ATP1A1: variants seen among roughly 807,000 people sequenced by gnomAD.
ATP1A1 encodes sodium/potassium-transporting ATPase subunit alpha-1.
ATP1A1 carries 14 observed loss-of-function variants against 114.8 expected under a neutral mutation model. The observed-to-expected ratio is 0.12, with a 90% CI of 0.08 to 0.19. ATP1A1 has a LOEUF of 0.19. ATP1A1 is among the 10% of genes least tolerant of loss of function. ATP1A1 has a pLI of 1.00. For synonymous variants in ATP1A1, 471 were observed against 466.3 expected (o/e 1.01, Z -0.13); for missense variants, 524 against 1,290.7 (o/e 0.41, Z 9.10).
chr1:116,383,486 T>C, intron 1 of ATP1A1: 1 of 488,196 alleles, frequency 2.0e-6, no homozygotes, highest in Non-Finnish European at 2.7e-6. Context: ...CACTATTCTT[T>C]ATCTCCACGC....
rs1651999893 is a variant in ATP1A1, at chr1:116,385,115, C to T, written c.183+273C>T. ...GAACACCAGGACTTGCAGTTGGCTT[C>T]AAAGCCATGCTTATGCCTTGACCTT... On this transcript the variant is annotated intron_variant, in intron 3 of 22. Transcript: ENST00000295598. This position sits in a 1 kb window ranked among gnomAD's most constrained non-coding sequence, Gnocchi z 4.3. 2.5e-6 allele frequency: 1 copy of T among 404,604 alleles called. No individual in the cohort carries two copies. Among genetic ancestry groups the T allele is most frequent in the Non-Finnish European group, 4.4e-6 (1 of 225,912 alleles). 25.1% of individuals were successfully genotyped at this position (404,604 alleles called of 1,614,324 possible).
At chr1:116,374,056 G>T (rs1232545838) in intron 1 of ATP1A1, 3 of 1,402,202 alleles carry the variant, frequency 2.1e-6, no homozygotes, top group Non-Finnish European at 2.8e-6. Context: ...CCGCGGCCCC[G>T]GTTCCGGCGG....
intron 1 of ATP1A1, among the ~76,000 whole-genome samples, chr1:116,378,016 A>G (rs1280098283): frequency 6.6e-6 from 1 of 152,222 alleles, no homozygotes. Flanking sequence ...AATTGAGTGT[A>G]TGAGAGGAAG....
Position 116,388,858 on chromosome 1 carries a change from C to G in ATP1A1, c.637-44C>G. 2 of 1,612,920 alleles carry G rather than the reference C, an allele frequency of 1.2e-6. No homozygotes were observed. Among genetic ancestry groups the G allele is most frequent in the Non-Finnish European group, 1.7e-6 (2 of 1,179,184 alleles). ...AGGGGTACAGTAGCCCATGATAAGG[C>G]TGGTGTATTCACATGACATTTTTCT... is the stretch of plus-strand genomic sequence containing the variant. On this transcript the variant is annotated intron_variant, in intron 6 of 22. Coordinates refer to ENST00000295598, the MANE Select transcript of ATP1A1 (RefSeq NM_000701.8). The surrounding 1 kb of genome is among the most constrained non-coding windows in gnomAD (Gnocchi z 5.6).
chr1:116,381,386 C>G lies in ATP1A1; in HGVS notation c.13-2628C>G, dbSNP rs900444383. Among the ~76,000 whole-genome samples the G allele has an allele frequency of 6.6e-6, 1 of 152,152 alleles. No individual in the cohort carries two copies. The highest frequency in any genetic ancestry group is 1.5e-5 in the Non-Finnish European group (1 of 68,028). ...GGGATTTAAGGATATTTGGTTCCCACAAGAATAAGCTAATATTAAGTTATT... is the reference window on the plus strand; with the variant it reads ...GGGATTTAAGGATATTTGGTTCCCAGAAGAATAAGCTAATATTAAGTTATT... On this transcript the variant is annotated intron_variant, in intron 1 of 22. Coordinates refer to ENST00000295598, the MANE Select transcript of ATP1A1 (RefSeq NM_000701.8). The surrounding 1 kb of genome is among the most constrained non-coding windows in gnomAD (Gnocchi z 5.1).
chr1:116,374,346 T>C (rs1388229967), intron 1 of ATP1A1: 8 of 1,522,096 alleles, frequency 5.3e-6, no homozygotes, highest in Non-Finnish European at 7.1e-6. Context: ...CAGATTTTTT[T>C]TGAAGGGACG....
At position 116,373,510 on chromosome 1, in the gene ATP1A1, C is replaced by T; in HGVS notation, c.-2C>T. 1 of 1,500,126 alleles carries T rather than the reference C, an allele frequency of 6.7e-7. No individual in the cohort carries two copies. Among genetic ancestry groups the T allele is most frequent in the South Asian group, 1.3e-5 (1 of 77,890 alleles). 92.9% of individuals were successfully genotyped at this position (1,500,126 alleles called of 1,614,324 possible). A position where few individuals can be genotyped will look rare whatever the true frequency, so the allele number is the denominator to read the frequency against. On this transcript the variant is annotated 5_prime_UTR_variant, in exon 1 of 23. Transcript: ENST00000295598. ...CGGCGCCGGGCACTGAGCACCGCCACCATGGGGAAGGGGGTGAGTGTCCGG... is the reference window on the plus strand; with the variant it reads ...CGGCGCCGGGCACTGAGCACCGCCATCATGGGGAAGGGGGTGAGTGTCCGG...
chr1:116,383,430 A>G (rs1409445478), intron 1 of ATP1A1: 2 of 863,808 alleles, frequency 2.3e-6, no homozygotes, highest in Admixed American at 1.2e-4. Context: ...ACTAGCATTT[A>G]GATGTATTGT....
In ATP1A1 at chr1:116,387,632, T is replaced by TTCAAGG; in HGVS notation, c.387+142_387+147dup. The stretch of plus-strand genomic sequence containing the variant: ...TTAATGGTTATGAACAGCTGTTGCC[T>TTCAAGG]TCAAGGCTCATCCATTCTTCCTTCG... On this transcript the variant is annotated intron_variant, in intron 4 of 22. Coordinates refer to ENST00000295598, the MANE Select transcript of ATP1A1 (RefSeq NM_000701.8). This position sits in a 1 kb window ranked among gnomAD's most constrained non-coding sequence, Gnocchi z 6.7. 1.0e-6 allele frequency: 1 copy of TTCAAGG among 954,398 alleles called. No individual in the cohort carries two copies. The highest frequency in any genetic ancestry group is 1.5e-6 in the Non-Finnish European group (1 of 652,824). 59.1% of individuals were successfully genotyped at this position (954,398 alleles called of 1,614,324 possible).
At chr1:116,390,693 A>G (rs1468197155) in intron 9 of ATP1A1, 89 bp from the exon 10 acceptor site, 3 of 1,120,020 alleles carry the variant, frequency 2.7e-6, no homozygotes, top group Non-Finnish European at 4.0e-6. Context: ...ATCACTGCAG[A>G]TTTCTATGGG....
rs1651714824 is a variant in ATP1A1 at position 116,381,101 on chromosome 1, G to A, written c.13-2913G>A. Among the ~76,000 whole-genome samples the A allele has an allele frequency of 6.6e-6, 1 of 152,172 alleles. No individual in the cohort carries two copies. Among genetic ancestry groups the A allele is most frequent in the South Asian group, 2.1e-4 (1 of 4,826 alleles). On this transcript the variant is annotated intron_variant, in intron 1 of 22. Transcript: ENST00000295598. This position sits in a 1 kb window ranked among gnomAD's most constrained non-coding sequence, Gnocchi z 5.1. ...AATCACTCCCAGTCCTCTGGGAGGG[G>A]GGAAGTGACCTGAACTTTCTAATTG...
rs756611991 is a variant in ATP1A1, at chr1:116,388,077, T to C, written c.388-54T>C. On this transcript the variant is annotated intron_variant, in intron 4 of 22. Transcript: ENST00000295598. The surrounding 1 kb of genome is among the most constrained non-coding windows in gnomAD (Gnocchi z 5.6). ...TTATTCAGTCAAAAAATTAATTGAA[T>C]GTCCCTAATTATTGTGTAGAGCCAC... 12 of 1,139,054 alleles carry C rather than the reference T, an allele frequency of 1.1e-5. No individual in the cohort carries two copies. The highest frequency in any genetic ancestry group is 1.5e-5 in the Non-Finnish European group (12 of 776,314). The allele number at this position is 1,139,054 out of a possible 1,614,324, so 70.6% of individuals were successfully genotyped here.
chr1:116,394,237 C>T (rs1016631491), intron 12 of ATP1A1, among the ~76,000 whole-genome samples: 16 of 152,142 alleles, frequency 1.1e-4, no homozygotes, highest in Admixed American at 9.2e-4. Context: ...TTTTTCTACC[C>T]TGACAGCTAC....
intron 10 of ATP1A1, 116 bp downstream of exon 10, chr1:116,391,007 C>T: frequency 5.9e-6 from 5 of 845,598 alleles, no homozygotes; most frequent in Non-Finnish European, 9.7e-6. Context: ...TGTAGAACAC[C>T]TGGAGTGGTC....
At chr1:116,376,115 T>C (rs1651346281) in intron 1 of ATP1A1, among the ~76,000 whole-genome samples, 1 of 152,078 alleles carries the variant, frequency 6.6e-6, no homozygotes, top group Non-Finnish European at 1.5e-5. Context: ...TTTAGAAATG[T>C]GGGAAAGTTT....
chr1:116,388,096 G>T lies in ATP1A1; in HGVS notation c.388-35G>T. The stretch of plus-strand genomic sequence containing the variant: ...ATTGAATGTCCCTAATTATTGTGTA[G>T]AGCCACGGGCCCTAACTTGTCTTTT... On this transcript the variant is annotated intron_variant, in intron 4 of 22. Transcript: ENST00000295598. This position sits in a 1 kb window ranked among gnomAD's most constrained non-coding sequence, Gnocchi z 5.6. The T allele has an allele frequency of 7.1e-7, 1 of 1,409,376 alleles. No individual in the cohort carries two copies. The highest frequency in any genetic ancestry group is 1.0e-6 in the Non-Finnish European group (1 of 1,004,502). The allele number at this position is 1,409,376 out of a possible 1,614,324, so 87.3% of individuals were successfully genotyped here.
intron 10 of ATP1A1, among the ~76,000 whole-genome samples, chr1:116,391,445 G>A (rs1377363780): frequency 1.3e-5 from 2 of 152,236 alleles, no homozygotes; most frequent in Admixed American, 6.5e-5. Context: ...TTCTGATGCA[G>A]TTTGAAATGA....
intron 1 of ATP1A1, among the ~76,000 whole-genome samples, chr1:116,378,505 G>A (rs1311027501): frequency 6.6e-6 from 1 of 152,220 alleles, no homozygotes; most frequent in East Asian, 1.9e-4. Context: ...TTGTGACTCA[G>A]TGGGCCTTGC....
chr1:116,389,764 C>A lies in ATP1A1; in HGVS notation c.1023+57C>A. ...GATCAGCTTGCACGAATGTTACACT[C>A]TTCCGCTATCCTATTCTAAGGTATT... is the stretch of plus-strand genomic sequence containing the variant. On this transcript the variant is annotated intron_variant, in intron 8 of 22. Coordinates refer to ENST00000295598, the MANE Select transcript of ATP1A1 (RefSeq NM_000701.8). This position sits in a 1 kb window ranked among gnomAD's most constrained non-coding sequence, Gnocchi z 6.9. 6.2e-7 allele frequency: 1 copy of A among 1,601,368 alleles called. No individual in the cohort carries two copies. Among genetic ancestry groups the A allele is most frequent in the Non-Finnish European group, 8.5e-7 (1 of 1,171,544 alleles).
Sources: gnomAD v4.1 joint callset for allele counts (sites outside exome capture counted in the v4.1 genomes callset) on GRCh38, gnomAD v4.1.1 for gene constraint, Gnocchi (gnomAD v3.1) non-coding constraint, MANE v1.5 for transcripts, NCBI Gene and HGNC (gene_info 2026-07-23, HGNC 2026-07-21) for gene names.